RAMP1: variants seen among roughly 807,000 people sequenced by gnomAD.
The protein encoded by RAMP1 is receptor activity-modifying protein 1.
Under a neutral mutation model 8.2 loss-of-function variants are expected in RAMP1, and 7 were observed. The ratio of observed to expected loss-of-function variants is 0.85; its 90% CI spans 0.49 to 1.60. RAMP1 has a LOEUF of 1.60. RAMP1 is among the 40% of genes most tolerant of loss of function. The pLI is 0.00. For synonymous variants in RAMP1, 92 were observed against 84.7 expected, an observed-to-expected ratio of 1.09 and a Z score of -0.47; for missense variants, 192 against 202.4, an observed-to-expected ratio of 0.95 and a Z score of 0.31.
chr2:237,892,353 G>A (rs2062495758), intron 2 of RAMP1, among the ~76,000 whole-genome samples: 1 of 149,126 alleles, frequency 6.7e-6, no homozygotes, highest in Non-Finnish European at 1.5e-5. Context: ...CAACCTCCTG[G>A]GCCCAAGAGA....
chr2:237,869,123 G>A (rs937518986), intron 1 of RAMP1, among the ~76,000 whole-genome samples: 2 of 152,226 alleles, frequency 1.3e-5, no homozygotes, highest in East Asian at 1.9e-4. Flanking sequence ...CCTGCACTGC[G>A]TTTGTGATCC....
At chr2:237,870,178 C>T (rs933470997) in intron 1 of RAMP1, among the ~76,000 whole-genome samples, 5 of 152,254 alleles carry the variant, frequency 3.3e-5, no homozygotes, top group African/African-American at 9.6e-5. Flanking sequence ...GGATGTTCCC[C>T]GGAGTCACTT....
At chr2:237,901,300 C>T (rs143826218) in intron 2 of RAMP1, among the ~76,000 whole-genome samples, 1 of 152,348 alleles carries the variant, frequency 6.6e-6, no homozygotes, top group Non-Finnish European at 1.5e-5. Flanking sequence ...CCCTCCCTGC[C>T]CCGGTGGTGT....
At chr2:237,868,614 G>A (rs969533419) in intron 1 of RAMP1, among the ~76,000 whole-genome samples, 2 of 148,752 alleles carry the variant, frequency 1.3e-5, no homozygotes, top group African/African-American at 2.5e-5. Flanking sequence ...CAGTTCCTGA[G>A]TTTACTTACT....
At chr2:237,909,185 A>G (rs2062683348) in intron 2 of RAMP1, among the ~76,000 whole-genome samples, 2 of 152,170 alleles carry the variant, frequency 1.3e-5, no homozygotes, top group African/African-American at 4.8e-5. Flanking sequence ...AGCTGTGGCC[A>G]GATCTGGCCA....
At position 237,908,578 on chromosome 2, in the gene RAMP1, C is replaced by T. The variant is rs1162493751; in HGVS notation, c.192-2950C>T. ...TCAGACTCCCTCGTAGCTGGGATTACAGGTGCCCGCCACTGTGCCTGGCTA... is the reference window on the plus strand; with the variant it reads ...TCAGACTCCCTCGTAGCTGGGATTATAGGTGCCCGCCACTGTGCCTGGCTA... On this transcript the variant is annotated intron_variant, in intron 2 of 2. Coordinates refer to ENST00000254661, the MANE Select transcript of RAMP1 (RefSeq NM_005855.4). Among the ~76,000 whole-genome samples, 5 of 152,112 alleles carry T rather than the reference C, an allele frequency of 3.3e-5. No individual in the cohort carries two copies. In the South Asian group the frequency reaches 8.3e-4, roughly 25 times the overall value.
chr2:237,895,848 G>A (rs1025210629), intron 2 of RAMP1, among the ~76,000 whole-genome samples: 6 of 152,144 alleles, frequency 3.9e-5, no homozygotes, highest in Admixed American at 2.6e-4. Flanking sequence ...ATAGCTTGCC[G>A]GCTGTCATGC....
At chr2:237,868,577 CA>C (rs1252542718) in intron 1 of RAMP1, among the ~76,000 whole-genome samples, 1,700 of 89,368 alleles carry the variant, frequency 0.019, 36 homozygotes, top group African/African-American at 0.075. Context: ...CTCCCCCCAC[CA>C]AAAAAAAAAA....
At chr2:237,883,912 C>CTTTTTT (rs34291315) in intron 2 of RAMP1, among the ~76,000 whole-genome samples, 15 of 92,984 alleles carry the variant, frequency 1.6e-4, no homozygotes, top group African/African-American at 5.8e-4. Flanking sequence ...TGTAGGTCCA[C>CTTTTTT]TTTTTTTTTT....
chr2:237,874,082 C>A (rs1340764067), intron 1 of RAMP1, among the ~76,000 whole-genome samples: 1 of 152,316 alleles, frequency 6.6e-6, no homozygotes, highest in East Asian at 1.9e-4. Flanking sequence ...CCAGGAGGGA[C>A]CAGCCCAGAG....
chr2:237,864,140 G>C (rs1271663055), intron 1 of RAMP1, among the ~76,000 whole-genome samples: 2 of 148,766 alleles, frequency 1.3e-5, no homozygotes, highest in East Asian at 1.9e-4. Context: ...AGGGGAGGCA[G>C]AGTGACCTGG....
intron 1 of RAMP1, among the ~76,000 whole-genome samples, chr2:237,866,650 T>G (rs1004274246): frequency 6.6e-6 from 1 of 152,166 alleles, no homozygotes; most frequent in African/African-American, 2.4e-5. Flanking sequence ...AGCCTACTAT[T>G]GAGCAGAGGC....
chr2:237,859,827 T>A, intron 1 of RAMP1, 100 bp downstream of exon 1: 3 of 929,166 alleles, frequency 3.2e-6, no homozygotes, highest in Non-Finnish European at 4.2e-6. Flanking sequence ...TGGGAGCGGG[T>A]GGGGGCGGGC....
At chr2:237,903,734 AC>A (rs1559954166) in intron 2 of RAMP1, among the ~76,000 whole-genome samples, 2 of 151,502 alleles carry the variant, frequency 1.3e-5, no homozygotes, top group African/African-American at 4.9e-5. Flanking sequence ...TCGCTCTGTC[AC>A]CCAGGCTGGA....
intron 2 of RAMP1, among the ~76,000 whole-genome samples, chr2:237,908,827 C>T (rs1038524339): frequency 6.6e-6 from 1 of 152,192 alleles, no homozygotes; most frequent in African/African-American, 2.4e-5. Flanking sequence ...TATCCTTCCC[C>T]TAGCCATGGT....
intron 2 of RAMP1, among the ~76,000 whole-genome samples, chr2:237,901,038 G>A (rs148403554): frequency 1.3e-3 from 196 of 152,326 alleles, no homozygotes; most frequent in African/African-American, 4.3e-3. Flanking sequence ...CGTGTCTTGC[G>A]TTCCTGGCAG....
At chr2:237,893,440 G>A (rs987912185) in intron 2 of RAMP1, among the ~76,000 whole-genome samples, 3 of 152,146 alleles carry the variant, frequency 2.0e-5, no homozygotes, top group Non-Finnish European at 2.9e-5. Flanking sequence ...GACATTCCCC[G>A]ATAGCTGAGG....
chr2:237,896,690 G>T (rs964186228), intron 2 of RAMP1, among the ~76,000 whole-genome samples: 1 of 152,238 alleles, frequency 6.6e-6, no homozygotes, highest in African/African-American at 2.4e-5. Flanking sequence ...CTGCCGCCTA[G>T]ATTGGAATGC....
chr2:237,884,912 A>G (rs1443769616), intron 2 of RAMP1, among the ~76,000 whole-genome samples: 1 of 152,218 alleles, frequency 6.6e-6, no homozygotes, highest in Admixed American at 6.5e-5. Context: ...ACGGGGCTCC[A>G]GGCCCCAGGG....
Sources: allele counts gnomAD v4.1 joint callset (sites outside exome capture counted in the v4.1 genomes callset), GRCh38; gene constraint gnomAD v4.1.1; transcripts MANE v1.5; gene names NCBI Gene and HGNC (gene_info 2026-07-23, HGNC 2026-07-21).